Variants in PARN observed in about 807,000 individuals in gnomAD.
PARN encodes the protein poly(A)-specific ribonuclease PARN.
A neutral mutation model predicts 102.8 loss-of-function variants in PARN; 71 were observed. The ratio of observed to expected loss-of-function variants is 0.69; its 90% CI spans 0.57 to 0.84. PARN has a LOEUF of 0.84. Ranked by LOEUF, PARN falls within the 40% of genes least tolerant of loss-of-function variation. The probability of loss-of-function intolerance (pLI) is 0.00; values close to 1 mark genes in which losing one functional copy is unlikely to be tolerated. For missense variants in PARN, 782 were observed against 760.9 expected, an observed-to-expected ratio of 1.03 and a Z score of -0.33; for synonymous variants, 261 against 252.9, an observed-to-expected ratio of 1.03 and a Z score of -0.30.
intron 11 of PARN, 129 bp from the exon 12 acceptor site, chr16:14,600,089 T>C: frequency 1.9e-6 from 1 of 515,174 alleles, no homozygotes; most frequent in Non-Finnish European, 3.4e-6. Flanking sequence ...TCCTGTGCTT[T>C]GCGCCTATCT....
intron 2 of PARN, among the ~76,000 whole-genome samples, chr16:14,628,834 GGGA>G (rs1350943018): frequency 1.3e-5 from 2 of 152,106 alleles, no homozygotes; most frequent in African/African-American, 4.8e-5. Flanking sequence ...CCATATCAAA[GGGA>G]GTGAACCGTT....
At chr16:14,617,107 A>G (rs1282120298) in intron 6 of PARN, among the ~76,000 whole-genome samples, 8 of 151,264 alleles carry the variant, frequency 5.3e-5, no homozygotes, top group South Asian at 2.1e-4. Context: ...ACAGTAGGCC[A>G]GGCGTGGTGG....
intron 21 of PARN, among the ~76,000 whole-genome samples, chr16:14,505,053 T>C (rs1281174675): frequency 1.3e-5 from 2 of 152,216 alleles, no homozygotes; most frequent in Non-Finnish European, 2.9e-5. Flanking sequence ...AAAGTCTTAC[T>C]GATAAAGTTA....
chr16:14,447,942 CTAT>C (rs1188219424), intron 22 of PARN, among the ~76,000 whole-genome samples: 8 of 31,100 alleles, frequency 2.6e-4, no homozygotes, highest in Non-Finnish European at 6.0e-4. Context: ...TAAATTTTAT[CTAT>C]CTATCTATCT....
chr16:14,615,203 C>T (rs1430818715), intron 6 of PARN, among the ~76,000 whole-genome samples: 3 of 151,812 alleles, frequency 2.0e-5, no homozygotes, highest in Non-Finnish European at 4.4e-5. Context: ...GTATGGATGA[C>T]CTGGGAGTCC....
chr16:14,496,058 A>T (rs956352952), intron 21 of PARN, among the ~76,000 whole-genome samples: 7 of 152,296 alleles, frequency 4.6e-5, no homozygotes, highest in South Asian at 2.1e-4. Flanking sequence ...AATCTGCCCA[A>T]TGCTCTTTTC....
chr16:14,586,286 AAAAG>A (rs1441326900), intron 14 of PARN, 28 bp downstream of exon 14: 5 of 1,464,630 alleles, frequency 3.4e-6, no homozygotes, highest in East Asian at 2.4e-5. Flanking sequence ...CAACTTTTTT[AAAAG>A]AAAGACAAAT....
chr16:14,540,080 G>C (rs541941310), intron 21 of PARN, among the ~76,000 whole-genome samples: 35 of 152,108 alleles, frequency 2.3e-4, no homozygotes, highest in Non-Finnish European at 3.7e-4. Context: ...TGGAGTCCTG[G>C]AACCAATCCC....
chr16:14,629,853 C>G (rs1372720364), intron 1 of PARN, among the ~76,000 whole-genome samples, 179 bp from the exon 2 acceptor site: 1 of 152,198 alleles, frequency 6.6e-6, no homozygotes, highest in African/African-American at 2.4e-5. Flanking sequence ...GGGGACAAGC[C>G]CCGGGGGGTG....
intron 5 of PARN, among the ~76,000 whole-genome samples, chr16:14,618,975 C>T (rs369569942): frequency 8.6e-5 from 13 of 152,030 alleles, no homozygotes; most frequent in African/African-American, 2.9e-4. Context: ...TGAGGAAGAT[C>T]GCTTGAGCCC....
intron 18 of PARN, among the ~76,000 whole-genome samples, chr16:14,561,752 T>C (rs1968081247): frequency 6.6e-6 from 1 of 152,020 alleles, no homozygotes; most frequent in Non-Finnish European, 1.5e-5. Context: ...GAGGCTGCAA[T>C]GAGCTATAAC....
intron 12 of PARN, among the ~76,000 whole-genome samples, chr16:14,593,634 G>A (rs1272984001): frequency 1.3e-5 from 2 of 150,150 alleles, no homozygotes; most frequent in Non-Finnish European, 2.9e-5. Context: ...TCTTTTTCTT[G>A]AATTTTTATT....
chr16:14,493,038 C>T (rs1333843755), intron 21 of PARN, among the ~76,000 whole-genome samples: 1 of 151,914 alleles, frequency 6.6e-6, no homozygotes, highest in Admixed American at 6.6e-5. Context: ...TTGCCAAAGC[C>T]AATATAAGAC....
At chr16:14,612,216 A>C (rs1010020919) in intron 6 of PARN, among the ~76,000 whole-genome samples, 1 of 152,094 alleles carries the variant, frequency 6.6e-6, no homozygotes, top group Non-Finnish European at 1.5e-5. Flanking sequence ...AGGCGGGCGG[A>C]TCACAAGTTC....
intron 10 of PARN, 64 bp from the exon 11 acceptor site, chr16:14,604,290 C>T (rs1320544549): frequency 6.7e-6 from 7 of 1,048,904 alleles, no homozygotes; most frequent in Non-Finnish European, 9.9e-6. Context: ...GACAGAGTTT[C>T]GCTCTTGTTG....
intron 22 of PARN, among the ~76,000 whole-genome samples, chr16:14,464,571 C>T (rs1567295875): frequency 6.6e-6 from 1 of 152,004 alleles, no homozygotes; most frequent in Non-Finnish European, 1.5e-5. Flanking sequence ...GACTGGCCAA[C>T]ATGGCAAAAC....
At chr16:14,618,325 A>C (rs1413936851) in intron 5 of PARN, among the ~76,000 whole-genome samples, 1 of 152,080 alleles carries the variant, frequency 6.6e-6, no homozygotes, top group African/African-American at 2.4e-5. Context: ...GTCTCTACTA[A>C]AAATAAAAAT....
chr16:14,477,943 T>C (rs1963163002), intron 22 of PARN, among the ~76,000 whole-genome samples: 1 of 152,148 alleles, frequency 6.6e-6, no homozygotes, highest in African/African-American at 2.4e-5. Context: ...AAAAGGATAA[T>C]ACTTCATAGC....
intron 18 of PARN, among the ~76,000 whole-genome samples, chr16:14,559,892 C>T (rs1165746442): frequency 1.3e-5 from 2 of 152,156 alleles, no homozygotes; most frequent in African/African-American, 2.4e-5. Context: ...CTGGAGAGCG[C>T]CACGCAATTG....
Sources: allele counts gnomAD v4.1 joint callset (sites outside exome capture counted in the v4.1 genomes callset), GRCh38; gene constraint gnomAD v4.1.1; transcripts MANE v1.5; gene names NCBI Gene and HGNC (gene_info 2026-07-23, HGNC 2026-07-21).